The following RANBP2 variants were observed in gnomAD, a reference collection of about 807,000 sequenced individuals.
RANBP2 encodes the protein RAN binding protein 2.
RANBP2 carries 57 observed loss-of-function variants against 303.6 expected under a neutral mutation model. That is an observed-to-expected ratio of 0.19 (90% CI 0.15 to 0.23). RANBP2 has a LOEUF of 0.23. Among genes scored for constraint, RANBP2 ranks in the 10% least tolerant of loss-of-function variants. The pLI, the probability that RANBP2 is intolerant of heterozygous loss-of-function variation, is 1.00. For synonymous variants in RANBP2, 1,167 were observed against 1,301.5 expected (o/e 0.90, Z 2.23); for missense variants, 3,138 against 3,780.8 (o/e 0.83, Z 4.46).
rs1459143665 is a variant in RANBP2 at position 108,764,976 on chromosome 2, GGAA to G, written c.4439_4441del (p.Glu1480del). ...ATTTCAGATCTGTTTTTTCTACAAA[GGAA>G]GGACAGTGGGATTGCAGTGCATGTT... is the stretch of plus-strand genomic sequence containing the variant. On this transcript the variant is annotated inframe_deletion, in exon 20 of 29. Transcript: ENST00000283195. The G allele has an allele frequency of 6.2e-7, 1 of 1,614,074 alleles. No homozygotes were observed. The highest frequency in any genetic ancestry group is 2.2e-5 in the East Asian group (1 of 44,882).
the RANBP2 span, among the ~76,000 whole-genome samples, chr2:108,877,009 T>C: frequency 6.6e-6 from 1 of 152,186 alleles, no homozygotes; most frequent in African/African-American, 2.4e-5. Context: ...CATAAAATCA[T>C]ATATGATCAG....
At chr2:109,327,086 A>T in the RANBP2 span, among the ~76,000 whole-genome samples, 1 of 152,166 alleles carries the variant, frequency 6.6e-6, no homozygotes, top group African/African-American at 2.4e-5. Context: ...ATGTTGTTCC[A>T]CTGAACATTT....
At chr2:108,896,819 C>CTT in the RANBP2 span, 2 of 1,335,558 alleles carry the variant, frequency 1.5e-6, no homozygotes, top group Non-Finnish European at 2.1e-6. Flanking sequence ...AGCCTTGATT[C>CTT]TTGGCAGTCT....
At chr2:109,468,125 G>A in the RANBP2 span, among the ~76,000 whole-genome samples, 118 of 152,330 alleles carry the variant, frequency 7.7e-4, no homozygotes, top group African/African-American at 2.7e-3. Flanking sequence ...TGAAAAACGC[G>A]TCGTTTGGTG....
At chr2:109,127,117 T>G in the RANBP2 span, among the ~76,000 whole-genome samples, 2 of 152,212 alleles carry the variant, frequency 1.3e-5, no homozygotes, top group African/African-American at 4.8e-5. Context: ...GGCGCTGATG[T>G]AAATCATACA....
chr2:108,800,132 G>T, the RANBP2 span, among the ~76,000 whole-genome samples: 1 of 151,952 alleles, frequency 6.6e-6, no homozygotes, highest in Non-Finnish European at 1.5e-5. Flanking sequence ...TTGGTTCTTT[G>T]TATGTTCAGT....
At chr2:109,501,747 C>G in the RANBP2 span, 3 of 678,304 alleles carry the variant, frequency 4.4e-6, no homozygotes, top group Non-Finnish European at 8.1e-6. Flanking sequence ...GAGAGGGAGC[C>G]ATGGCGCCCC....
chr2:109,545,620 A>G, the RANBP2 span: 1 of 1,528,546 alleles, frequency 6.5e-7, no homozygotes, highest in Non-Finnish European at 8.7e-7. Flanking sequence ...AATTAATTCA[A>G]TAAAATACTA....
chr2:109,272,685 G>A, the RANBP2 span, among the ~76,000 whole-genome samples: 1 of 152,228 alleles, frequency 6.6e-6, no homozygotes, highest in Non-Finnish European at 1.5e-5. Context: ...TTGTCATGGA[G>A]ACAATACAGG....
the RANBP2 span, among the ~76,000 whole-genome samples, chr2:109,088,714 G>A: frequency 3.9e-5 from 6 of 152,120 alleles, no homozygotes; most frequent in East Asian, 1.9e-4. Context: ...GTTTCACCAT[G>A]TTGGCCAGGC....
At chr2:109,398,955 C>CG in the RANBP2 span, 2 of 1,602,724 alleles carry the variant, frequency 1.2e-6, no homozygotes, top group South Asian at 2.2e-5. Context: ...TAACATCCCG[C>CG]GGGCCAGGGC....
chr2:109,575,403 T>C, the RANBP2 span, among the ~76,000 whole-genome samples: 1 of 152,232 alleles, frequency 6.6e-6, no homozygotes, highest in Non-Finnish European at 1.5e-5. Context: ...AGTATCTAAC[T>C]AGTAATGGTG....
the RANBP2 span, chr2:109,398,786 C>T: frequency 1.2e-6 from 2 of 1,613,656 alleles, no homozygotes; most frequent in African/African-American, 1.3e-5. Context: ...AAACGCCACT[C>T]CTTCACCGCG....
chr2:109,032,628 G>A, the RANBP2 span, among the ~76,000 whole-genome samples: 1 of 152,130 alleles, frequency 6.6e-6, no homozygotes. Context: ...GAGAGCAGAG[G>A]CCTTGGCCAA....
At chr2:109,178,641 A>G in the RANBP2 span, among the ~76,000 whole-genome samples, 1 of 152,192 alleles carries the variant, frequency 6.6e-6, no homozygotes, top group African/African-American at 2.4e-5. Context: ...CAGTTGGCTT[A>G]TTTATGGATC....
the RANBP2 span, among the ~76,000 whole-genome samples, chr2:108,803,300 G>C: frequency 2.0e-5 from 3 of 152,080 alleles, no homozygotes; most frequent in African/African-American, 7.2e-5. Flanking sequence ...AGGATCCTCT[G>C]TTTGAGTCTC....
At chr2:109,630,770 G>A in the RANBP2 span, among the ~76,000 whole-genome samples, 1 of 152,136 alleles carries the variant, frequency 6.6e-6, no homozygotes, top group African/African-American at 2.4e-5. Flanking sequence ...AGTATAGAAA[G>A]TTTTCAAGAT....
At chr2:109,665,232 C>A in the RANBP2 span, 1 of 152,906 alleles carries the variant, frequency 6.5e-6, no homozygotes, top group South Asian at 1.9e-4. Context: ...CTGGTGAGTT[C>A]GTGGACCTGT....
intron 4 of RANBP2, among the ~76,000 whole-genome samples, 173 bp from the exon 5 acceptor site, chr2:108,735,359 A>T (rs1372694460): frequency 1.3e-5 from 2 of 152,190 alleles, no homozygotes; most frequent in East Asian, 1.9e-4. Context: ...CTTGAGGCTT[A>T]GTTTCTGGGT....
Sources: gnomAD v4.1 joint callset for allele counts (sites outside exome capture counted in the v4.1 genomes callset) on GRCh38, gnomAD v4.1.1 for gene constraint, MANE v1.5 for transcripts, NCBI Gene and HGNC (gene_info 2026-07-23, HGNC 2026-07-21) for gene names.